TASOR2: variants seen among roughly 807,000 people sequenced by gnomAD.
TASOR2 encodes the protein transcription activation suppressor family member 2.
A neutral mutation model predicts 199.5 loss-of-function variants in TASOR2; 84 were observed. The observed-to-expected ratio is 0.42, with a 90% CI of 0.35 to 0.50. TASOR2 has a LOEUF of 0.50. Ranked by LOEUF, TASOR2 falls within the 20% of genes least tolerant of loss-of-function variation. The pLI, the probability that TASOR2 is intolerant of heterozygous loss-of-function variation, is 0.02. For missense variants in TASOR2, 2,796 were observed against 2,835.9 expected (o/e 0.99, Z 0.32); for synonymous variants, 1,103 against 1,046.6 (o/e 1.05, Z -1.04).
At chr10:5,697,859 C>G (rs1837345460) in intron 1 of TASOR2, among the ~76,000 whole-genome samples, 2 of 152,142 alleles carry the variant, frequency 1.3e-5, no homozygotes, top group African/African-American at 4.8e-5. Flanking sequence ...CAGTGACTGT[C>G]TGGTAGATGG....
chr10:5,726,951 G>T lies in TASOR2; in HGVS notation c.418G>T (p.Glu140Ter), dbSNP rs1425701428. The change falls in exon 9 of 21, where the codon GAA becomes TAA. Residue 140 changes from glutamate to a stop codon, truncating the protein, a stop_gained. Coordinates refer to ENST00000328090, the Ensembl canonical transcript of TASOR2. LOFTEE classifies it high-confidence loss of function. Reference sequence around the variant, plus strand: ...ACTTACATCATCAGCCTTACTATCAGAACCAGGTATGGAGAACTGTTTTGG... The same window carrying T: ...ACTTACATCATCAGCCTTACTATCATAACCAGGTATGGAGAACTGTTTTGG... The T allele has an allele frequency of 6.2e-7, 1 of 1,613,854 alleles. No individual in the cohort carries two copies. The highest frequency in any genetic ancestry group is 1.3e-5 in the African/African-American group (1 of 74,898).
At chr10:5,749,599 G>T (rs751224127) in exon 15 of TASOR2, 1 of 1,614,118 alleles carries the variant, frequency 6.2e-7, no homozygotes, top group Admixed American at 1.7e-5. Flanking sequence ...AGGCTACACA[G>T]CCAGCAGTCT....
At chr10:5,692,534 G>C (rs1396983388) in intron 1 of TASOR2, among the ~76,000 whole-genome samples, 1 of 152,152 alleles carries the variant, frequency 6.6e-6, no homozygotes, top group African/African-American at 2.4e-5. Context: ...GCCCGCCCAG[G>C]TCTGCAGGGT....
exon 15 of TASOR2, chr10:5,749,204 T>C (rs1262563595): frequency 6.2e-7 from 1 of 1,613,920 alleles, no homozygotes; most frequent in Admixed American, 1.7e-5. Context: ...TACGCCAACT[T>C]CTCTATAACA....
At chr10:5,735,401 T>C in exon 12 of TASOR2, 1 of 1,614,106 alleles carries the variant, frequency 6.2e-7, no homozygotes, top group Non-Finnish European at 8.5e-7. Flanking sequence ...TGCCAACAAA[T>C]GCTAAAAGGG....
intron 1 of TASOR2, among the ~76,000 whole-genome samples, chr10:5,688,969 C>A (rs1305573896): frequency 6.6e-6 from 1 of 152,170 alleles, no homozygotes; most frequent in Non-Finnish European, 1.5e-5. Flanking sequence ...TGCCACTGCA[C>A]ACCTTCCTGG....
chr10:5,709,800 T>C (rs193272454), intron 1 of TASOR2: 28 of 756,688 alleles, frequency 3.7e-5, no homozygotes, highest in Middle Eastern at 4.4e-4. Context: ...CTATATTTTT[T>C]AAAATAATCA....
At chr10:5,691,667 T>C (rs1356563216) in intron 1 of TASOR2, among the ~76,000 whole-genome samples, 1 of 152,218 alleles carries the variant, frequency 6.6e-6, no homozygotes, top group African/African-American at 2.4e-5. Flanking sequence ...TTAGGCTTTC[T>C]TCTGGGCAAT....
At chr10:5,735,682 A>T in intron 12 of TASOR2, 136 bp downstream of exon 13, 2 of 1,125,118 alleles carry the variant, frequency 1.8e-6, no homozygotes, top group South Asian at 4.1e-5. Flanking sequence ...TTCAGACATT[A>T]AAAAAACTAA....
exon 15 of TASOR2, chr10:5,746,939 C>T (rs1412703615): frequency 6.2e-7 from 1 of 1,614,164 alleles, no homozygotes. Context: ...CATCTATCAC[C>T]CAGTGAAGAA....
rs764635368 is a variant in TASOR2, at chr10:5,749,555, A to G, written c.6134A>G (p.Glu2045Gly). 8.1e-5 allele frequency: 131 copies of G among 1,613,978 alleles called. 1 individual carries two copies. The Admixed American group carries it at 2.2e-3, about 27-fold the overall frequency. ...AGCCCCCTTCTGGTAACAGTTGTGG[A>G]GTCAGATCCCAGACCACAGGGGCAG... The change falls in exon 15 of 21, where the codon GAG becomes GGG. Residue 2045 changes from glutamate (E) to glycine (G), a missense_variant. Glu to Gly is a moderately conservative substitution (Grantham distance 98, BLOSUM62 -2). This residue lies in a region of TASOR2 where 1,941 missense variants were observed against 1,924.9 expected (regional missense o/e 1.01). Transcript: ENST00000328090.
At position 5,730,795 on chromosome 10, in the gene TASOR2, G is replaced by C; in HGVS notation, c.796G>C (p.Asp266His). Residue 266 changes from aspartate to histidine, a missense_variant, in exon 11 of 21, where the codon GAC becomes CAC. By Grantham distance (81) the Asp-to-His change is moderately conservative. This residue lies in a region of TASOR2 where 847 missense variants were observed against 887.4 expected (regional missense o/e 0.95). Transcript: ENST00000328090. This position sits in a 1 kb window ranked among gnomAD's most constrained non-coding sequence, Gnocchi z 4.1. ...AACTCAGTTGAACTCTTATTTTTCAGACCCTAGTGCTTACATTTTGGAAGT... is the reference window on the plus strand; with the variant it reads ...AACTCAGTTGAACTCTTATTTTTCACACCCTAGTGCTTACATTTTGGAAGT... 1 of 1,614,120 alleles carries C rather than the reference G, an allele frequency of 6.2e-7. No individual in the cohort carries two copies.
In TASOR2 at chr10:5,755,150, CAAAT is replaced by C. The variant is rs574803330; in HGVS notation, c.6607-1458_6607-1455del. Among the ~76,000 whole-genome samples, 658 of 151,536 alleles carry C rather than the reference CAAAT, an allele frequency of 4.3e-3. 4 individuals are homozygous for C. The highest frequency in any genetic ancestry group is 0.021 in the Middle Eastern group (6 of 286). ...GTATTCATTCAAATAATTTGTTAGT[CAAAT>C]AAATGAAGACTAGAGATTTATGCCT... On this transcript the variant is annotated intron_variant, in intron 15 of 20. Transcript: ENST00000328090.
intron 2 of TASOR2, among the ~76,000 whole-genome samples, chr10:5,715,221 CTT>C (rs58686940): frequency 2.3e-4 from 20 of 85,922 alleles, no homozygotes; most frequent in East Asian, 6.0e-4. Context: ...TCCTGCTGAC[CTT>C]TTTTTTTTTT....
rs376105074 is a variant in TASOR2 at position 5,749,179 on chromosome 10, G to A, written c.5758G>A (p.Gly1920Arg). Residue 1920 changes from glycine (G) to arginine (R), a missense_variant, in exon 15 of 21, where the codon GGG becomes AGG. Physicochemically the swap from Gly to Arg is moderately radical, Grantham distance 125. Transcript: ENST00000328090. The stretch of plus-strand genomic sequence containing the variant: ...TTACGTCCAAATCCGAGATCTCCAC[G>A]GGATCCTCAGGACTTACGCCAACTT... The A allele has an allele frequency of 4.0e-5, 65 of 1,613,868 alleles. No individual in the cohort carries two copies. The highest frequency in any genetic ancestry group is 1.0e-4 in the Admixed American group (6 of 59,970).
intron 10 of TASOR2, among the ~76,000 whole-genome samples, chr10:5,729,207 G>A (rs552705700): frequency 1.3e-5 from 2 of 152,098 alleles, no homozygotes; most frequent in African/African-American, 4.8e-5. Flanking sequence ...AAATTAGTTA[G>A]GTGTGGTGGC....
intron 1 of TASOR2, chr10:5,692,771 A>AC (rs1836604280): frequency 1.3e-5 from 2 of 152,122 alleles, no homozygotes; most frequent in Non-Finnish European, 2.9e-5. Flanking sequence ...TTGACTTTCA[A>AC]AAGGCGCCGC....
chr10:5,761,590 C>T (rs1399389771), intron 19 of TASOR2, 119 bp downstream of exon 20: 2 of 793,728 alleles, frequency 2.5e-6, no homozygotes, highest in East Asian at 2.5e-5. Flanking sequence ...CCCATGGATA[C>T]CAGAATCACC....
rs139077970 is a variant in TASOR2, at chr10:5,755,982, AC to A, written c.6607-629del. 6.1e-3 allele frequency among the ~76,000 whole-genome samples: 927 copies of A among 151,842 alleles called. 16 individuals are homozygous for A. Among genetic ancestry groups the A allele is most frequent in the South Asian group, 0.045 (215 of 4,778 alleles). ...ACTGCAGCCTGGGTGACAGAGTGAGACCATGTCTCAAAAAAAAAAGCAAAGA... is the reference window on the plus strand; with the variant it reads ...ACTGCAGCCTGGGTGACAGAGTGAGACATGTCTCAAAAAAAAAAGCAAAGA... On this transcript the variant is annotated intron_variant, in intron 15 of 20. Transcript: ENST00000328090.
Sources: allele counts gnomAD v4.1 joint callset (sites outside exome capture counted in the v4.1 genomes callset), GRCh38; gene constraint gnomAD v4.1.1; regional missense constraint gnomAD v4.1.1; non-coding constraint Gnocchi (gnomAD v3.1); transcripts MANE v1.5; gene names NCBI Gene and HGNC (gene_info 2026-07-23, HGNC 2026-07-21).